Variants in ZBTB20 observed in about 807,000 individuals in gnomAD.
ZBTB20 encodes the protein zinc finger and BTB domain-containing protein 20.
Under a neutral mutation model 56.9 loss-of-function variants are expected in ZBTB20, and 9 were observed. The ratio of observed to expected loss-of-function variants is 0.16; its 90% confidence interval spans 0.10 to 0.28. The LOEUF is 0.28. Ranked by LOEUF, ZBTB20 falls within the 10% of genes least tolerant of loss-of-function variation. ZBTB20 has a pLI of 1.00. For missense variants in ZBTB20, 655 were observed against 1,003.0 expected, an observed-to-expected ratio of 0.65 and a Z score of 4.69; for synonymous variants, 417 against 420.7, an observed-to-expected ratio of 0.99 and a Z score of 0.11.
At chr3:114,342,196 T>G (rs1390799951) in intron 11 of ZBTB20, among the ~76,000 whole-genome samples, 1 of 152,220 alleles carries the variant, frequency 6.6e-6, no homozygotes, top group Non-Finnish European at 1.5e-5. Context: ...AATGAATGAT[T>G]GTGTTTTAAG....
At chr3:114,938,161 T>G (rs951139872) in intron 3 of ZBTB20, among the ~76,000 whole-genome samples, 5 of 133,982 alleles carry the variant, frequency 3.7e-5, no homozygotes, top group Non-Finnish European at 4.5e-5. Context: ...TCCTTATAGA[T>G]TCTGGATATT....
chr3:114,878,575 TA>T (rs10609736), intron 4 of ZBTB20, among the ~76,000 whole-genome samples: 2,734 of 137,638 alleles, frequency 0.02, 104 homozygotes, highest in African/African-American at 0.07. Flanking sequence ...CTTGGAGAAT[TA>T]AAAAAAAAAA....
At chr3:115,080,295 C>T (rs2082751412) in intron 1 of ZBTB20, among the ~76,000 whole-genome samples, 2 of 152,160 alleles carry the variant, frequency 1.3e-5, no homozygotes, top group Admixed American at 6.6e-5. Flanking sequence ...TGTGAGGTTA[C>T]AGCAGCCCAA....
chr3:114,722,082 A>C (rs951399909), intron 5 of ZBTB20, among the ~76,000 whole-genome samples: 2 of 152,178 alleles, frequency 1.3e-5, no homozygotes, highest in African/African-American at 2.4e-5. Flanking sequence ...TAACATGATG[A>C]ATGAGTCAAC....
intron 4 of ZBTB20, among the ~76,000 whole-genome samples, chr3:114,863,265 A>C (rs2075613627): frequency 6.6e-6 from 1 of 152,150 alleles, no homozygotes; most frequent in South Asian, 2.1e-4. Flanking sequence ...TAAGAAATTA[A>C]TTTAGGTCAA....
At chr3:115,012,718 T>A (rs1379159459) in intron 2 of ZBTB20, among the ~76,000 whole-genome samples, 1 of 151,762 alleles carries the variant, frequency 6.6e-6, no homozygotes, top group Admixed American at 6.6e-5. Context: ...ACCAAATGGA[T>A]CTAATAGATA....
At chr3:114,556,418 T>C (rs925568856) in intron 6 of ZBTB20, among the ~76,000 whole-genome samples, 11 of 152,022 alleles carry the variant, frequency 7.2e-5, no homozygotes, top group Admixed American at 7.2e-4. Flanking sequence ...ACATATCTAT[T>C]CCTCAGTGCT....
At chr3:114,498,451 T>C (rs185214242) in intron 7 of ZBTB20, among the ~76,000 whole-genome samples, 7 of 152,282 alleles carry the variant, frequency 4.6e-5, no homozygotes, top group South Asian at 2.1e-4. Flanking sequence ...TCAAGGGACA[T>C]TGGACATTTC....
intron 6 of ZBTB20, among the ~76,000 whole-genome samples, chr3:114,672,266 C>T (rs2061397046): frequency 6.6e-6 from 1 of 152,002 alleles, no homozygotes; most frequent in South Asian, 2.1e-4. Flanking sequence ...CCATCCCATC[C>T]CATAAAGGGC....
intron 2 of ZBTB20, among the ~76,000 whole-genome samples, chr3:114,975,878 T>G (rs1450645868): frequency 6.6e-6 from 1 of 152,200 alleles, no homozygotes; most frequent in East Asian, 1.9e-4. Context: ...GGGCAGGCAC[T>G]TTCTCTTTTT....
intron 4 of ZBTB20, among the ~76,000 whole-genome samples, chr3:114,870,914 C>G (rs2075979190): frequency 1.3e-5 from 2 of 151,982 alleles, no homozygotes; most frequent in Admixed American, 1.3e-4. Context: ...TCCTTTTACC[C>G]AAGTGAAATT....
chr3:114,745,136 T>C (rs1171555399), intron 5 of ZBTB20, among the ~76,000 whole-genome samples: 6 of 152,114 alleles, frequency 3.9e-5, no homozygotes, highest in African/African-American at 9.7e-5. Flanking sequence ...GTGATAGTGA[T>C]GGTTGTTTTT....
intron 2 of ZBTB20, among the ~76,000 whole-genome samples, chr3:115,034,751 C>A (rs2080844682): frequency 2.6e-5 from 4 of 151,870 alleles, no homozygotes; most frequent in African/African-American, 9.7e-5. Flanking sequence ...TATCAGAGAA[C>A]CCCCAAACAG....
chr3:114,976,487 G>T (rs751944974), intron 2 of ZBTB20, among the ~76,000 whole-genome samples: 1 of 151,998 alleles, frequency 6.6e-6, no homozygotes, highest in Non-Finnish European at 1.5e-5. Flanking sequence ...TTAGCCGGGC[G>T]TGGTGGCGGG....
At chr3:114,775,913 C>T (rs1398207505) in intron 5 of ZBTB20, among the ~76,000 whole-genome samples, 1 of 151,978 alleles carries the variant, frequency 6.6e-6, no homozygotes, top group Non-Finnish European at 1.5e-5. Context: ...TGAACCAGGC[C>T]AAAGAAATTA....
At chr3:114,972,619 C>T (rs1043356544) in intron 3 of ZBTB20, among the ~76,000 whole-genome samples, 12 of 152,014 alleles carry the variant, frequency 7.9e-5, no homozygotes, top group Non-Finnish European at 1.2e-4. Context: ...CCACTCTTCA[C>T]TTGTCTTCAG....
chr3:114,971,460 C>T (rs994773848), intron 3 of ZBTB20, among the ~76,000 whole-genome samples: 5 of 151,966 alleles, frequency 3.3e-5, no homozygotes, highest in Non-Finnish European at 5.9e-5. Context: ...AAAATCTCAA[C>T]AAAAAATAGA....
At chr3:114,354,342 T>C (rs1240548526) in intron 10 of ZBTB20, among the ~76,000 whole-genome samples, 1 of 152,230 alleles carries the variant, frequency 6.6e-6, no homozygotes, top group Non-Finnish European at 1.5e-5. Flanking sequence ...TCTACACAAG[T>C]GAAAACACTC....
chr3:114,546,750 C>T (rs1309489913), intron 6 of ZBTB20, among the ~76,000 whole-genome samples: 1 of 151,998 alleles, frequency 6.6e-6, no homozygotes, highest in Admixed American at 6.6e-5. Flanking sequence ...GAGGGAAAAA[C>T]AAAACCTATA....
Sources: gnomAD v4.1 joint callset for allele counts (sites outside exome capture counted in the v4.1 genomes callset) on GRCh38, gnomAD v4.1.1 for gene constraint, MANE v1.5 for transcripts, NCBI Gene and HGNC (gene_info 2026-07-23, HGNC 2026-07-21) for gene names.